MGLL: variants seen among roughly 807,000 people sequenced by gnomAD.
MGLL encodes monoglyceride lipase, also known as lysophospholipase homolog.
Under a neutral mutation model 29.1 loss-of-function variants are expected in MGLL, and 7 were observed. That is an observed-to-expected ratio of 0.24 (90% CI 0.14 to 0.45). MGLL has a LOEUF of 0.45. MGLL is among the 20% of genes least tolerant of loss of function. The pLI is 0.99. For synonymous variants in MGLL, 148 were observed against 168.3 expected (o/e 0.88, Z 0.93); for missense variants, 356 against 413.6 (o/e 0.86, Z 1.21).
intron 3 of MGLL, among the ~76,000 whole-genome samples, chr3:127,740,445 TA>T (rs1415558850): frequency 1.3e-5 from 2 of 152,206 alleles, no homozygotes; most frequent in African/African-American, 2.4e-5. Flanking sequence ...GTTCCAGTTT[TA>T]AAAAGTCTGA....
At chr3:127,715,445 G>A (rs2075795039) in intron 5 of MGLL, 1 of 342,814 alleles carries the variant, frequency 2.9e-6, no homozygotes, top group Non-Finnish European at 5.8e-6. Context: ...AACAAATTAG[G>A]TGTTTAGCCT....
rs75980532 is a variant in MGLL, at chr3:127,792,635, G to A, written c.156-10740C>T. On this transcript the variant is annotated intron_variant, in intron 2 of 7. Transcript: ENST00000265052. ...GGAGAATCACTTGAACCCGGGAGGC[G>A]GAGGTTGCGATGAGACGAGATCGCG... Among the ~76,000 whole-genome samples the A allele has an allele frequency of 1.2e-3, 178 of 152,198 alleles. 1 individual carries two copies. The highest frequency in any genetic ancestry group is 4.0e-3 in the African/African-American group (167 of 41,532).
chr3:127,773,321 C>T (rs1369722596), intron 3 of MGLL, among the ~76,000 whole-genome samples: 2 of 152,248 alleles, frequency 1.3e-5, no homozygotes, highest in African/African-American at 4.8e-5. Context: ...AGCAGCCATG[C>T]CACCTTGGGC....
intron 3 of MGLL, among the ~76,000 whole-genome samples, chr3:127,766,565 A>T (rs2107688618): frequency 6.6e-6 from 1 of 152,290 alleles, no homozygotes; most frequent in South Asian, 2.1e-4. Context: ...TTATCAGCCA[A>T]GCAGGGGCAC....
intron 2 of MGLL, among the ~76,000 whole-genome samples, chr3:127,798,110 T>C (rs182030411): frequency 6.6e-6 from 1 of 152,336 alleles, no homozygotes; most frequent in East Asian, 1.9e-4. Flanking sequence ...GGAAACCCGA[T>C]GTACCTACTA....
intron 6 of MGLL, among the ~76,000 whole-genome samples, chr3:127,695,658 C>T (rs143204214): frequency 0.032 from 4,919 of 152,190 alleles, 123 homozygotes; most frequent in Non-Finnish European, 0.054. Context: ...GTGGGAGAAT[C>T]CCTTGAACCT....
At chr3:127,711,638 G>A (rs796703228) in intron 5 of MGLL, 36 of 152,218 alleles carry the variant, frequency 2.4e-4, no homozygotes, top group African/African-American at 8.4e-4. Context: ...AAGGGCACAG[G>A]GCACGTAGCT....
intron 2 of MGLL, among the ~76,000 whole-genome samples, chr3:127,803,371 C>A (rs988966105): frequency 6.6e-6 from 1 of 152,186 alleles, no homozygotes; most frequent in African/African-American, 2.4e-5. Flanking sequence ...CCTGAAGGAA[C>A]AAGCAGTGGG....
At chr3:127,774,865 G>A (rs994115527) in intron 3 of MGLL, among the ~76,000 whole-genome samples, 13 of 152,114 alleles carry the variant, frequency 8.5e-5, no homozygotes, top group South Asian at 4.1e-4. Flanking sequence ...CAGACCCTGC[G>A]CTATCTCATT....
At chr3:127,758,771 C>A (rs2076708500) in intron 3 of MGLL, among the ~76,000 whole-genome samples, 1 of 152,140 alleles carries the variant, frequency 6.6e-6, no homozygotes, top group Admixed American at 6.5e-5. Flanking sequence ...TTTTTCATAT[C>A]ATGACAAGCA....
chr3:127,810,048 A>G (rs551595451), intron 2 of MGLL, among the ~76,000 whole-genome samples: 1 of 152,198 alleles, frequency 6.6e-6, no homozygotes, highest in Non-Finnish European at 1.5e-5. Flanking sequence ...TGACTCTATC[A>G]TGGTTCCCAG....
Position 127,761,865 on chromosome 3 carries a change from C to T in MGLL, c.262+19924G>A, listed in dbSNP as rs576212440. ...TGCGTAGTGCACCCAGCGCACTTGCCGGGGAGTTGTGACTGCATCTGAGGA... is the reference window on the plus strand; with the variant it reads ...TGCGTAGTGCACCCAGCGCACTTGCTGGGGAGTTGTGACTGCATCTGAGGA... On this transcript the variant is annotated intron_variant, in intron 3 of 7. Transcript: ENST00000265052. The surrounding 1 kb of genome is among the most constrained non-coding windows in gnomAD (Gnocchi z 4.6). Among the ~76,000 whole-genome samples the T allele has an allele frequency of 7.9e-5, 12 of 152,260 alleles. No homozygotes were observed. The highest frequency in any genetic ancestry group is 1.3e-4 in the Non-Finnish European group (9 of 68,012).
chr3:127,721,657 G>T (rs2075928342), intron 4 of MGLL, among the ~76,000 whole-genome samples: 1 of 152,036 alleles, frequency 6.6e-6, no homozygotes, highest in South Asian at 2.1e-4. Context: ...AAGGAGAGAG[G>T]CCTCACCTGT....
intron 5 of MGLL, chr3:127,716,073 G>A (rs534405301): frequency 5.0e-5 from 17 of 336,776 alleles, no homozygotes; most frequent in South Asian, 3.7e-4. Context: ...TCCCAATTAT[G>A]CCAGCTCAAC....
intron 3 of MGLL, among the ~76,000 whole-genome samples, chr3:127,745,431 T>C (rs1446386465): frequency 6.6e-6 from 1 of 152,110 alleles, no homozygotes; most frequent in Non-Finnish European, 1.5e-5. Flanking sequence ...TTATCTTAAG[T>C]GAAATGACTT....
chr3:127,692,040 C>CA lies in MGLL; in HGVS notation c.*157dup, dbSNP rs2075255455. ...CAGTGTCTGATAGTCTAATGTATAA[C>CA]AAAAATGTCTGTTATTTTTTAGAAA... On this transcript the variant is annotated 3_prime_UTR_variant, in exon 8 of 8. Coordinates refer to ENST00000265052, the MANE Select transcript of MGLL (RefSeq NM_007283.7). The CA allele has an allele frequency of 7.6e-6, 8 of 1,058,014 alleles. No homozygotes were observed. The highest frequency in any genetic ancestry group is 5.3e-5 in the Admixed American group (2 of 37,696). 65.5% of individuals were successfully genotyped at this position (1,058,014 alleles called of 1,614,324 possible).
intron 3 of MGLL, among the ~76,000 whole-genome samples, chr3:127,746,988 T>A (rs1442593061): frequency 1.3e-5 from 2 of 152,142 alleles, no homozygotes; most frequent in Non-Finnish European, 1.5e-5. Flanking sequence ...GACTCAGCCC[T>A]GTTCTCGATT....
intron 2 of MGLL, among the ~76,000 whole-genome samples, chr3:127,798,540 T>C (rs1391803103): frequency 1.3e-5 from 2 of 152,202 alleles, no homozygotes; most frequent in Non-Finnish European, 2.9e-5. Flanking sequence ...TTCACTTCTC[T>C]TGGATTTGTT....
At chr3:127,771,676 G>A (rs1046706223) in intron 3 of MGLL, among the ~76,000 whole-genome samples, 12 of 152,120 alleles carry the variant, frequency 7.9e-5, no homozygotes, top group African/African-American at 2.7e-4. Flanking sequence ...AGCTTTAAAC[G>A]TTTTCATCTG....
Sources: gnomAD v4.1 joint callset for allele counts (sites outside exome capture counted in the v4.1 genomes callset) on GRCh38, gnomAD v4.1.1 for gene constraint, Gnocchi (gnomAD v3.1) non-coding constraint, MANE v1.5 for transcripts, NCBI Gene and HGNC (gene_info 2026-07-23, HGNC 2026-07-21) for gene names.